RBFOX1: variants seen among roughly 807,000 people sequenced by gnomAD.
RBFOX1 encodes the protein RNA binding fox-1 homolog 1.
A neutral mutation model predicts 57.7 loss-of-function variants in RBFOX1; 8 were observed. The observed-to-expected ratio is 0.14, with a 90% confidence interval of 0.08 to 0.25. The LOEUF (loss-of-function observed/expected upper bound fraction) is 0.25. Among genes scored for constraint, RBFOX1 ranks in the 10% least tolerant of loss-of-function variants. The probability of loss-of-function intolerance (pLI) is 1.00; values close to 1 mark genes in which losing one functional copy is unlikely to be tolerated. For synonymous variants in RBFOX1, 326 were observed against 222.4 expected (o/e 1.47, Z -4.15); for missense variants, 611 against 548.5 (o/e 1.11, Z -1.14).
chr16:6,994,946 TG>T (rs2092034517), intron 3 of RBFOX1, among the ~76,000 whole-genome samples: 1 of 47,274 alleles, frequency 2.1e-5, no homozygotes, highest in African/African-American at 1.0e-4. Flanking sequence ...TGCATTATTT[TG>T]TGTGTGTGTG....
intron 3 of RBFOX1, among the ~76,000 whole-genome samples, chr16:6,770,988 G>A (rs955619527): frequency 4.6e-5 from 7 of 152,120 alleles, no homozygotes; most frequent in African/African-American, 1.7e-4. Context: ...CTCACCCACA[G>A]GACCTCAGAA....
intron 1 of RBFOX1, among the ~76,000 whole-genome samples, chr16:6,070,179 CA>C (rs1456330629): frequency 6.6e-6 from 1 of 152,034 alleles, no homozygotes; most frequent in Non-Finnish European, 1.5e-5. Flanking sequence ...TTTTCAGAAA[CA>C]AAGCTGTTGT....
intron 3 of RBFOX1, among the ~76,000 whole-genome samples, chr16:5,664,948 C>CT (rs35998497): frequency 0.014 from 2,067 of 146,714 alleles, 38 homozygotes; most frequent in African/African-American, 0.046. Flanking sequence ...TATCTCTGCT[C>CT]TTTTTTTTTT....
chr16:7,560,756 T>C (rs1473599723), intron 5 of RBFOX1, among the ~76,000 whole-genome samples: 3 of 152,146 alleles, frequency 2.0e-5, no homozygotes, highest in Non-Finnish European at 4.4e-5. Flanking sequence ...ATGACATAAT[T>C]AGATGAGAGA....
At chr16:7,329,618 A>C (rs1051294148) in intron 4 of RBFOX1, among the ~76,000 whole-genome samples, 2 of 152,250 alleles carry the variant, frequency 1.3e-5, no homozygotes, top group African/African-American at 4.8e-5. Context: ...AAGTCAATAC[A>C]ACTTCAAAAA....
At chr16:6,832,284 A>G (rs1052414861) in intron 3 of RBFOX1, among the ~76,000 whole-genome samples, 10 of 152,212 alleles carry the variant, frequency 6.6e-5, no homozygotes, top group African/African-American at 2.4e-4. Flanking sequence ...TTGCTGACAT[A>G]TGTCACATGT....
At chr16:6,236,745 C>T (rs985302424) in intron 1 of RBFOX1, among the ~76,000 whole-genome samples, 5 of 152,200 alleles carry the variant, frequency 3.3e-5, no homozygotes, top group African/African-American at 4.8e-5. Flanking sequence ...GCCACCACGT[C>T]TGGCCTTATT....
chr16:7,003,629 G>T (rs903638471), intron 3 of RBFOX1, among the ~76,000 whole-genome samples: 2 of 152,092 alleles, frequency 1.3e-5, no homozygotes, highest in Admixed American at 6.6e-5. Context: ...GGAAAGTTTT[G>T]TTAGCTATAA....
chr16:7,460,270 C>A (rs1017504663), intron 4 of RBFOX1, among the ~76,000 whole-genome samples: 1 of 150,838 alleles, frequency 6.6e-6, no homozygotes, highest in African/African-American at 2.4e-5. Context: ...GTTTAATTTT[C>A]CTTTTTAGGA....
chr16:6,865,856 G>A (rs989210161), intron 3 of RBFOX1, among the ~76,000 whole-genome samples: 1 of 151,998 alleles, frequency 6.6e-6, no homozygotes, highest in East Asian at 1.9e-4. Context: ...TTTGCGTGTA[G>A]GCTTATTTCT....
At chr16:7,133,922 A>G (rs765676362) in intron 4 of RBFOX1, among the ~76,000 whole-genome samples, 4 of 152,242 alleles carry the variant, frequency 2.6e-5, no homozygotes, top group Non-Finnish European at 5.9e-5. Flanking sequence ...AAATATGAAT[A>G]CATGATCTGC....
chr16:6,957,245 C>T (rs192898030), intron 3 of RBFOX1, among the ~76,000 whole-genome samples: 1,691 of 151,834 alleles, frequency 0.011, 43 homozygotes, highest in African/African-American at 0.039. Context: ...CATTCTCCTG[C>T]CTCAGCCTCC....
intron 3 of RBFOX1, among the ~76,000 whole-genome samples, chr16:6,939,769 A>G (rs1217763383): frequency 1.3e-5 from 2 of 152,030 alleles, no homozygotes; most frequent in African/African-American, 4.8e-5. Context: ...GCCTTGGCCT[A>G]CCATAGTGCT....
chr16:7,403,023 C>T (rs917542631), intron 4 of RBFOX1, among the ~76,000 whole-genome samples: 1 of 152,194 alleles, frequency 6.6e-6, no homozygotes, highest in South Asian at 2.1e-4. Context: ...GTTCACGATG[C>T]AGTTGTGGAA....
At chr16:7,376,567 G>C (rs2097689494) in intron 4 of RBFOX1, among the ~76,000 whole-genome samples, 1 of 152,096 alleles carries the variant, frequency 6.6e-6, no homozygotes, top group Non-Finnish European at 1.5e-5. Context: ...AGTTTTCTGG[G>C]TTAGACCTCC....
chr16:6,832,277 C>T (rs2092761770), intron 3 of RBFOX1, among the ~76,000 whole-genome samples: 1 of 152,168 alleles, frequency 6.6e-6, no homozygotes, highest in Non-Finnish European at 1.5e-5. Flanking sequence ...AGAGCAATTG[C>T]TGACATATGT....
chr16:7,564,875 G>A (rs534139132), intron 5 of RBFOX1, among the ~76,000 whole-genome samples: 1 of 152,292 alleles, frequency 6.6e-6, no homozygotes, highest in African/African-American at 2.4e-5. Flanking sequence ...TCTCCTTTCA[G>A]AGGAATTTCA....
chr16:7,366,410 C>G (rs576433815), intron 4 of RBFOX1, among the ~76,000 whole-genome samples: 1 of 152,268 alleles, frequency 6.6e-6, no homozygotes, highest in African/African-American at 2.4e-5. Flanking sequence ...ACATTTATGG[C>G]TGAGCCGAGT....
intron 4 of RBFOX1, among the ~76,000 whole-genome samples, chr16:7,265,677 G>C (rs1168062911): frequency 6.6e-6 from 1 of 152,176 alleles, no homozygotes; most frequent in Non-Finnish European, 1.5e-5. Flanking sequence ...TGAAACTCCT[G>C]ACCTCAGGTG....
Sources: gnomAD v4.1 joint callset for allele counts (sites outside exome capture counted in the v4.1 genomes callset) on GRCh38, gnomAD v4.1.1 for gene constraint, MANE v1.5 for transcripts, NCBI Gene and HGNC (gene_info 2026-07-23, HGNC 2026-07-21) for gene names.